KLF13: variants seen among roughly 807,000 people sequenced by gnomAD.
The protein encoded by KLF13 is Krueppel-like factor 13.
Under a neutral mutation model 16.7 loss-of-function variants are expected in KLF13, and 8 were observed. That is an observed-to-expected ratio of 0.48 (90% CI 0.28 to 0.87). The LOEUF (loss-of-function observed/expected upper bound fraction) is 0.87. Ranked by LOEUF, KLF13 falls within the 40% of genes least tolerant of loss-of-function variation. The pLI is 0.10. For missense variants in KLF13, 447 were observed against 452.2 expected (o/e 0.99, Z 0.10); for synonymous variants, 245 against 208.4 (o/e 1.18, Z -1.51).
At chr15:31,358,287 T>C (rs1396679931) in intron 1 of KLF13, among the ~76,000 whole-genome samples, 6 of 152,230 alleles carry the variant, frequency 3.9e-5, no homozygotes, top group Non-Finnish European at 8.8e-5. Flanking sequence ...TTGACTATAG[T>C]ACAGTTGCGA....
chr15:31,423,165 GTATATATATACATATATACGTAT>G, intron 1 of KLF13, among the ~76,000 whole-genome samples: 1 of 104,420 alleles, frequency 9.6e-6, no homozygotes, highest in South Asian at 2.7e-4. Flanking sequence ...GTATATATAT[GTATATATATACATATATACGTAT>G]ATATATATAT....
At position 31,373,109 on chromosome 15, in the gene KLF13, T is replaced by C. The variant is rs991108675; in HGVS notation, c.*810T>C. On this transcript the variant is annotated 3_prime_UTR_variant, in exon 2 of 2. Coordinates refer to ENST00000307145, the MANE Select transcript of KLF13 (RefSeq NM_015995.4). Reference sequence around the variant, plus strand: ...GGGGTCACACCTGCCAGGACTCCGCTTCTCCGTGTCCCAGCAGAAGGCATG... The same window carrying C: ...GGGGTCACACCTGCCAGGACTCCGCCTCTCCGTGTCCCAGCAGAAGGCATG... 3 of 152,290 alleles carry C rather than the reference T, an allele frequency of 2.0e-5. No individual in the cohort carries two copies. The highest frequency in any genetic ancestry group is 4.4e-5 in the Non-Finnish European group (3 of 68,078). The allele number at this position is 152,290 out of a possible 1,614,324, so 9.4% of individuals were successfully genotyped here.
rs73383081 is a variant in KLF13 at position 31,401,712 on chromosome 15, G to A, written n.530-1716G>A. On this transcript the variant is annotated intron_variant and non_coding_transcript_variant, in intron 2 of 2. Transcript: ENST00000500533. ...GGGGAAACTGAGGTTCAGAGATGCG[G>A]TACTTGCCCAAGGCCACACTGGTGC... 4.2e-3 allele frequency among the ~76,000 whole-genome samples: 638 copies of A among 152,316 alleles called. 7 individuals carry two copies. Among genetic ancestry groups the A allele is most frequent in the African/African-American group, 0.014 (587 of 41,558 alleles).
chr15:31,432,428 T>G lies in KLF13; in HGVS notation n.118-2942T>G, dbSNP rs140916586. Among the ~76,000 whole-genome samples the G allele has an allele frequency of 1.9e-4, 29 of 149,994 alleles. No homozygotes were observed. The South Asian group carries it at 3.9e-3, about 20-fold the overall frequency. On this transcript the variant is annotated intron_variant and non_coding_transcript_variant, in intron 1 of 1. Coordinates refer to the KLF13 transcript ENST00000558225. ...TCTTGATTCCTCCCTTTTCTTGCTT[T>G]CTTTCTTGTTCTCTCTTTCTTTCCT...
intron 1 of KLF13, among the ~76,000 whole-genome samples, chr15:31,413,683 A>G (rs1294002601): frequency 6.6e-6 from 1 of 152,200 alleles, no homozygotes; most frequent in Admixed American, 6.5e-5. Flanking sequence ...ACAAAACAAA[A>G]ACCCAGAGAA....
intron 1 of KLF13, among the ~76,000 whole-genome samples, chr15:31,330,855 G>A (rs138638205): frequency 1.8e-3 from 271 of 152,342 alleles, no homozygotes; most frequent in Middle Eastern, 6.8e-3. Context: ...GTCCAGACCT[G>A]GAAAGTTTGC....
At chr15:31,353,372 G>A (rs1327847434) in intron 1 of KLF13, among the ~76,000 whole-genome samples, 2 of 151,936 alleles carry the variant, frequency 1.3e-5, no homozygotes, top group Non-Finnish European at 2.9e-5. Flanking sequence ...GTTGCCTCCT[G>A]GCTGTAGAGG....
At chr15:31,429,686 G>A (rs2040446030) in intron 1 of KLF13, among the ~76,000 whole-genome samples, 2 of 149,926 alleles carry the variant, frequency 1.3e-5, no homozygotes, top group South Asian at 4.2e-4. Context: ...TTAGCACAGA[G>A]AAAGATTCTT....
chr15:31,404,939 C>G (rs1054031211), downstream of KLF13, among the ~76,000 whole-genome samples: 3 of 152,178 alleles, frequency 2.0e-5, no homozygotes, highest in African/African-American at 7.2e-5. Context: ...GGGGGGAGCT[C>G]TTTGCTCTAA....
chr15:31,409,561 G>A (rs2040166935), downstream of KLF13, among the ~76,000 whole-genome samples: 1 of 151,424 alleles, frequency 6.6e-6, no homozygotes, highest in African/African-American at 2.4e-5. Context: ...AAGGAAGAGA[G>A]AAACCACACT....
chr15:31,389,062 A>G (rs933951580), upstream of KLF13, among the ~76,000 whole-genome samples: 6 of 152,158 alleles, frequency 3.9e-5, no homozygotes, highest in African/African-American at 1.4e-4. Context: ...GTCCACTTCC[A>G]TGTAAATTTT....
chr15:31,356,612 G>T (rs2039304147), intron 1 of KLF13, among the ~76,000 whole-genome samples: 1 of 152,232 alleles, frequency 6.6e-6, no homozygotes, highest in Non-Finnish European at 1.5e-5. Context: ...TCACTTAGGA[G>T]AATGGGAGGC....
chr15:31,359,468 C>T (rs955625643), intron 1 of KLF13, among the ~76,000 whole-genome samples: 4 of 152,284 alleles, frequency 2.6e-5, no homozygotes, highest in African/African-American at 9.6e-5. Context: ...GTGCTGGGTT[C>T]TGTGGAAGCA....
At chr15:31,365,488 C>T (rs2039452564) in intron 1 of KLF13, among the ~76,000 whole-genome samples, 3 of 152,276 alleles carry the variant, frequency 2.0e-5, no homozygotes, top group South Asian at 2.1e-4. Flanking sequence ...GCTGCTCTGG[C>T]CCCAGCTTGG....
At chr15:31,354,795 C>T (rs2039274316) in intron 1 of KLF13, among the ~76,000 whole-genome samples, 1 of 152,170 alleles carries the variant, frequency 6.6e-6, no homozygotes, top group Non-Finnish European at 1.5e-5. Context: ...ATCTCTGCCC[C>T]TCCCCCACCA....
intron 1 of KLF13, among the ~76,000 whole-genome samples, chr15:31,422,310 CAT>C (rs1217860110): frequency 2.6e-5 from 4 of 152,198 alleles, no homozygotes; most frequent in East Asian, 3.9e-4. Context: ...TTAATTGACT[CAT>C]AGTTCTTCAT....
chr15:31,360,112 C>T (rs1024713780), intron 1 of KLF13, among the ~76,000 whole-genome samples: 4 of 152,198 alleles, frequency 2.6e-5, no homozygotes, highest in Non-Finnish European at 5.9e-5. Flanking sequence ...GGGGCCTGGC[C>T]GTGGGATAGT....
At chr15:31,366,745 C>CCTGTGCTCACTGTGTGCCCCG (rs1319034953) in intron 1 of KLF13, among the ~76,000 whole-genome samples, 2 of 151,862 alleles carry the variant, frequency 1.3e-5, no homozygotes, top group African/African-American at 2.4e-5. Flanking sequence ...TGTGTGCCCC[C>CCTGTGCTCACTGTGTGCCCCG]CTGTGCTCAC....
At chr15:31,391,630 G>C (rs550580310), upstream of KLF13, among the ~76,000 whole-genome samples, 1 of 151,600 alleles carries the variant, frequency 6.6e-6, no homozygotes, top group Admixed American at 6.5e-5. Flanking sequence ...CGACGCTTCC[G>C]GGAGGTCTAG....
Sources: allele counts gnomAD v4.1 joint callset (sites outside exome capture counted in the v4.1 genomes callset), GRCh38; gene constraint gnomAD v4.1.1; transcripts MANE v1.5; gene names NCBI Gene and HGNC (gene_info 2026-07-23, HGNC 2026-07-21).